Variants in AK9 observed in about 807,000 individuals in gnomAD.
AK9 encodes the protein adenylate kinase domain containing 1.
In AK9, 191 loss-of-function variants were observed where a neutral mutation model predicts 239.6. That is an observed-to-expected ratio of 0.80 (90% CI 0.71 to 0.90). The LOEUF (loss-of-function observed/expected upper bound fraction) is 0.90. Ranked by LOEUF, AK9 falls within the 40% of genes least tolerant of loss-of-function variation. The probability of loss-of-function intolerance (pLI) is 0.00; values close to 1 mark genes in which losing one functional copy is unlikely to be tolerated. For missense variants in AK9, 1,995 were observed against 2,214.7 expected, an observed-to-expected ratio of 0.90 and a Z score of 1.99; for synonymous variants, 689 against 721.0, an observed-to-expected ratio of 0.96 and a Z score of 0.71.
intron 12 of AK9, among the ~76,000 whole-genome samples, chr6:109,623,958 A>T (rs985553833): frequency 1.1e-4 from 16 of 151,786 alleles, no homozygotes; most frequent in Admixed American, 4.6e-4. Context: ...AATACATTTT[A>T]AAAAAATAAT....
chr6:109,655,704 C>A (rs1414213291), intron 8 of AK9, among the ~76,000 whole-genome samples: 2 of 152,172 alleles, frequency 1.3e-5, no homozygotes, highest in African/African-American at 4.8e-5. Context: ...ATTTTCCCCC[C>A]ATAAATACAA....
At chr6:109,559,532 T>G (rs7768577) in intron 24 of AK9, among the ~76,000 whole-genome samples, 13,091 of 152,274 alleles carry the variant, frequency 0.086, 917 homozygotes, top group African/African-American at 0.19. Flanking sequence ...TTTGTAGTTT[T>G]TAGTGTGTTG....
At chr6:109,591,710 G>C (rs768797114) in intron 17 of AK9, among the ~76,000 whole-genome samples, 1 of 152,046 alleles carries the variant, frequency 6.6e-6, no homozygotes, top group African/African-American at 2.4e-5. Context: ...GAAGTCCTTT[G>C]AGCATTTGTT....
At chr6:109,654,273 C>A (rs967388312) in intron 8 of AK9, among the ~76,000 whole-genome samples, 1 of 152,126 alleles carries the variant, frequency 6.6e-6, no homozygotes, top group Non-Finnish European at 1.5e-5. Context: ...CAGCATTATT[C>A]ACTTACCAAT....
intron 27 of AK9, among the ~76,000 whole-genome samples, chr6:109,537,548 A>C (rs1782199811): frequency 7.2e-6 from 1 of 138,814 alleles, no homozygotes; most frequent in Non-Finnish European, 1.6e-5. Context: ...ATCTTTTCAA[A>C]AAAAGCAGCT....
intron 5 of AK9, among the ~76,000 whole-genome samples, chr6:109,667,850 C>A (rs533087859): frequency 1.3e-5 from 2 of 152,214 alleles, no homozygotes; most frequent in East Asian, 3.9e-4. Flanking sequence ...GTGAGTAGTG[C>A]CACAATAAGC....
intron 21 of AK9, 80 bp from the exon 22 acceptor site, chr6:109,564,925 T>C: frequency 9.3e-7 from 1 of 1,072,292 alleles, no homozygotes; most frequent in Middle Eastern, 2.1e-4. Flanking sequence ...AAAGAACATT[T>C]CAAAATATAG....
At chr6:109,493,945 T>G in intron 40 of AK9, 36 bp downstream of exon 40, 2 of 1,452,026 alleles carry the variant, frequency 1.4e-6, no homozygotes, top group Non-Finnish European at 9.6e-7. Flanking sequence ...TAATGTTAAA[T>G]TTGTTCTGAG....
chr6:109,644,269 T>C (rs924136767), intron 9 of AK9, among the ~76,000 whole-genome samples: 3 of 152,086 alleles, frequency 2.0e-5, no homozygotes, highest in African/African-American at 7.2e-5. Flanking sequence ...TGTTTTTACT[T>C]TGGTCATCCT....
At chr6:109,672,398 G>A (rs1262376272) in intron 3 of AK9, among the ~76,000 whole-genome samples, 1 of 152,104 alleles carries the variant, frequency 6.6e-6, no homozygotes, top group Non-Finnish European at 1.5e-5. Flanking sequence ...AAGAATCTTG[G>A]AGAAGCGAAC....
chr6:109,533,303 T>G lies in AK9; in HGVS notation c.3518A>C (p.Lys1173Thr). 6.2e-7 allele frequency: 1 copy of G among 1,611,780 alleles called. No homozygotes were observed. The highest frequency in any genetic ancestry group is 1.7e-5 in the Admixed American group (1 of 59,586). ...CAGTTTCTTCCTTTCTAATTTCTTC[T>G]TTTGTTTTAGTTTCCACTTTTCAAT... ...AQIEKWKLKQ[K>T]KKLERKKLIK... The change falls in exon 28 of 41, where the codon AAG becomes ACG. Residue 1173 changes from lysine to threonine, a missense_variant. Coordinates refer to ENST00000424296, the MANE Select transcript of AK9 (RefSeq NM_001145128.3).
chr6:109,559,472 T>C (rs1785466256), intron 24 of AK9, among the ~76,000 whole-genome samples: 1 of 152,222 alleles, frequency 6.6e-6, no homozygotes, highest in Admixed American at 6.5e-5. Flanking sequence ...CGGCCTGGTA[T>C]ATCTATCTGT....
intron 17 of AK9, among the ~76,000 whole-genome samples, chr6:109,601,944 C>T (rs1792052407): frequency 6.6e-6 from 1 of 152,178 alleles, no homozygotes. Flanking sequence ...CTTCCTCCAT[C>T]CCTTTATTTT....
intron 17 of AK9, among the ~76,000 whole-genome samples, chr6:109,602,812 T>C (rs1333616615): frequency 6.6e-6 from 1 of 152,194 alleles, no homozygotes; most frequent in African/African-American, 2.4e-5. Flanking sequence ...CTCACTTCAT[T>C]TCATTCATTT....
At chr6:109,603,843 G>A (rs1014668323) in intron 17 of AK9, among the ~76,000 whole-genome samples, 4 of 152,182 alleles carry the variant, frequency 2.6e-5, no homozygotes, top group Non-Finnish European at 5.9e-5. Flanking sequence ...CAATGAGTGA[G>A]GCTCTCTGGG....
chr6:109,686,391 C>G (rs1773513098), intron 1 of AK9, among the ~76,000 whole-genome samples: 1 of 152,184 alleles, frequency 6.6e-6, no homozygotes, highest in Non-Finnish European at 1.5e-5. Flanking sequence ...CCTTCAACCT[C>G]TAAAAAAGAG....
chr6:109,542,200 A>C, intron 26 of AK9, 29 bp from the exon 27 acceptor site: 3 of 1,566,600 alleles, frequency 1.9e-6, no homozygotes, highest in Non-Finnish European at 2.6e-6. Flanking sequence ...AAACAAAACA[A>C]GTTTTAAAAC....
chr6:109,647,141 G>A (rs1798173947), intron 8 of AK9, among the ~76,000 whole-genome samples: 1 of 152,158 alleles, frequency 6.6e-6, no homozygotes, highest in Non-Finnish European at 1.5e-5. Flanking sequence ...AACATGCCAA[G>A]TTGTAAAGAG....
chr6:109,516,217 T>C (rs748535382), intron 30 of AK9, 142 bp from the exon 31 acceptor site: 266 of 919,114 alleles, frequency 2.9e-4, no homozygotes, highest in Non-Finnish European at 3.5e-4. Flanking sequence ...GGCTGCATGT[T>C]GGTGACTAAA....
Sources: allele counts gnomAD v4.1 joint callset (sites outside exome capture counted in the v4.1 genomes callset), GRCh38; gene constraint gnomAD v4.1.1; transcripts MANE v1.5; gene names NCBI Gene and HGNC (gene_info 2026-07-23, HGNC 2026-07-21).